The following VCX2 variants were observed in gnomAD, a reference collection of about 807,000 sequenced individuals.
VCX2 encodes the protein variable charge X-linked 2.
For missense variants in VCX2, 83 were observed against 116.6 expected (o/e 0.71, Z 1.33); for synonymous variants, 37 against 53.9 (o/e 0.69, Z 1.38).
At position 8,170,197 on chromosome X, in the gene VCX2, A is replaced by G. The variant is rs770996404; in HGVS notation, c.255T>C (p.Pro85=). 1 of 1,135,662 alleles carries G rather than the reference A, an allele frequency of 8.8e-7. No individual in the cohort carries two copies. Among genetic ancestry groups the G allele is most frequent in the Non-Finnish European group, 1.2e-6 (1 of 862,633 alleles). 93.6% of individuals were successfully genotyped at this position (1,135,662 alleles called of 1,213,427 possible). ...GPSDQPSQEL[P]QHELPPEEPV... is the part of the protein sequence containing the mutation. The stretch of plus-strand genomic sequence containing the variant: ...GCTCCTCCGGCGGCAGCTCGTGCTG[A>G]GGGAGCTCCTGGCTGGGCTGGTCGC... Residue 85 remains proline, a synonymous_variant, in exon 3 of 3, where the codon CCT becomes CCC. Transcript: ENST00000317103.
chrX:8,170,081 A>C lies in VCX2; in HGVS notation c.371T>G (p.Leu124Arg). ...LSQESEVEEP[L>R]TVWMASFSPV... is the part of the protein sequence containing the mutation. ...GGAAAAGCTGGCCATCCACACAGTC[A>C]GTGGTTCTTCCACCTCGCTCTCCTG... is the stretch of plus-strand genomic sequence containing the variant. Residue 124 changes from leucine (L) to arginine (R), a missense_variant, in exon 3 of 3, where the codon CTG becomes CGG. Physicochemically the swap from Leu to Arg is moderately radical, Grantham distance 102. Coordinates refer to ENST00000317103, the MANE Select transcript of VCX2 (RefSeq NM_016378.3). The C allele has an allele frequency of 8.3e-7, 1 of 1,198,662 alleles. No homozygotes were observed. The highest frequency in any genetic ancestry group is 1.8e-5 in the South Asian group (1 of 56,285).
Position 8,170,180 on chromosome X carries a change from G to T in VCX2, c.272C>A (p.Pro91Gln). 2.6e-6 allele frequency: 3 copies of T among 1,140,737 alleles called. No homozygotes were observed. Among genetic ancestry groups the T allele is most frequent in the East Asian group, 3.2e-5 (1 of 31,118 alleles). 94.0% of individuals were successfully genotyped at this position (1,140,737 alleles called of 1,213,427 possible). Residue 91 changes from proline to glutamine, a missense_variant, in exon 3 of 3, where the codon CCG (proline) becomes CAG (glutamine). Coordinates refer to ENST00000317103, the MANE Select transcript of VCX2 (RefSeq NM_016378.3). ...SQELPQHELP[P>Q]EEPVSEGTQH... The stretch of plus-strand genomic sequence containing the variant: ...GGTCCCCTCGCTCACTGGCTCCTCC[G>T]GCGGCAGCTCGTGCTGAGGGAGCTC...
chrX:8,170,252 G>C lies in VCX2; in HGVS notation c.200C>G (p.Ala67Gly). The change falls in exon 3 of 3, where the codon GCG becomes GGG. Residue 67 changes from alanine to glycine, a missense_variant. Transcript: ENST00000317103. ...TKMAAVTAPE[A>G]ESAPAAPGPS... The stretch of plus-strand genomic sequence containing the variant: ...GCCGGGTGCCGCTGGCGCGCTCTCC[G>C]CCTCAGGTGCCGTCACGGCCGCCAT... 2 of 1,112,196 alleles carry C rather than the reference G, an allele frequency of 1.8e-6. No homozygotes were observed. The highest frequency in any genetic ancestry group is 1.9e-5 in the South Asian group (1 of 53,157). The allele number at this position is 1,112,196 out of a possible 1,213,427, so 91.7% of individuals were successfully genotyped here.
At chrX:8,170,379 G>C in intron 2 of VCX2, 30 bp from the exon 3 acceptor site, 1 of 855,944 alleles carries the variant, frequency 1.2e-6, no homozygotes, top group Non-Finnish European at 1.6e-6. Flanking sequence ...ATCACAGAAG[G>C]GCTCTGGTTT....
rs1931613290 is a variant in VCX2 at position 8,171,236 on chromosome X, T to C, written c.-276A>G. 1 of 110,061 alleles carries C rather than the reference T, an allele frequency of 9.1e-6. No individual in the cohort carries two copies. The highest frequency in any genetic ancestry group is 1.9e-5 in the Non-Finnish European group (1 of 53,037). 9.1% of individuals were successfully genotyped at this position (110,061 alleles called of 1,213,427 possible). The stretch of plus-strand genomic sequence containing the variant: ...TTCTTGGATGCCATGAAACAACTTT[T>C]CCATCTCACATACTTCTCCCAGCAT... On this transcript the variant is annotated 5_prime_UTR_variant, in exon 1 of 3. Transcript: ENST00000317103.
rs1931559734 is a variant in VCX2 at position 8,170,572 on chromosome X, AGAG to A, written c.69_71del (p.Ser24del). The A allele has an allele frequency of 8.1e-6, 4 of 495,989 alleles. No individual in the cohort carries two copies. The highest frequency in any genetic ancestry group is 1.2e-5 in the Non-Finnish European group (4 of 334,515). 40.9% of individuals were successfully genotyped at this position (495,989 alleles called of 1,213,427 possible). A position where few individuals can be genotyped will look rare whatever the true frequency, so the allele number is the denominator to read the frequency against. On this transcript the variant is annotated inframe_deletion, in exon 2 of 3. Transcript: ENST00000317103. The stretch of plus-strand genomic sequence containing the variant: ...TCTTCGGGTCACTGGGGCTCGGCTG[AGAG>A]GAGGACTTCCTCTTTCCTGCCTCCG...
Position 8,170,191 on chromosome X carries a change from G to A in VCX2, c.261C>T (p.His87=), listed in dbSNP as rs375063792. 5.0e-5 allele frequency: 57 copies of A among 1,133,951 alleles called. No homozygotes were observed. The highest frequency in any genetic ancestry group is 6.0e-5 in the Non-Finnish European group (52 of 862,030). The allele number at this position is 1,133,951 out of a possible 1,213,427, so 93.5% of individuals were successfully genotyped here. Residue 87 remains histidine, a synonymous_variant, in exon 3 of 3, where the codon CAC becomes CAT. Coordinates refer to ENST00000317103, the MANE Select transcript of VCX2 (RefSeq NM_016378.3). The part of the protein sequence containing the change: ...SDQPSQELPQ[H]ELPPEEPVSE... ...TCACTGGCTCCTCCGGCGGCAGCTC[G>A]TGCTGAGGGAGCTCCTGGCTGGGCT...
rs145708656 is a variant in VCX2, at chrX:8,170,037, C to T, written c.415G>A (p.Asp139Asn). The T allele has an allele frequency of 3.8e-4, 450 of 1,188,341 alleles. 3 individuals are homozygous for T. Among genetic ancestry groups the T allele is most frequent in the Non-Finnish European group, 4.6e-4 (405 of 888,339 alleles). Residue 139 changes from aspartate to asparagine, a missense_variant, in exon 3 of 3, where the codon GAC (aspartate) becomes AAC (asparagine). Asp to Asn is a conservative substitution (Grantham distance 23). Transcript: ENST00000317103. Reference protein sequence around the residue: ...ASFSPVSESTD With the variant: ...ASFSPVSESTN ...TCTGGCGGCTGGGCCTGAACTTAGT[C>T]GGTGCTCTCGGAGACAGGGGAAAAG...
Position 8,169,982 on chromosome X carries a change from G to C in VCX2, c.*50C>G, listed in dbSNP as rs773609329. ...CATTCATTTTATTATCTTCAGAATGGCAAGCACCCCGCTGGTGAGATCTCT... is the reference window on the plus strand; with the variant it reads ...CATTCATTTTATTATCTTCAGAATGCCAAGCACCCCGCTGGTGAGATCTCT... On this transcript the variant is annotated 3_prime_UTR_variant, in exon 3 of 3. Transcript: ENST00000317103. The C allele has an allele frequency of 1.7e-6, 2 of 1,153,046 alleles. No individual in the cohort carries two copies. Among genetic ancestry groups the C allele is most frequent in the African/African-American group, 4.4e-5 (2 of 45,527 alleles).
Position 8,169,994 on chromosome X carries a change from C to T in VCX2, c.*38G>A. On this transcript the variant is annotated 3_prime_UTR_variant, in exon 3 of 3. Transcript: ENST00000317103. ...TATCTTCAGAATGGCAAGCACCCCG[C>T]TGGTGAGATCTCTGAGGTCTGGCGG... 3 of 1,185,422 alleles carry T rather than the reference C, an allele frequency of 2.5e-6. No homozygotes were observed. Among genetic ancestry groups the T allele is most frequent in the Non-Finnish European group, 2.3e-6 (2 of 886,317 alleles).
At position 8,171,076 on chromosome X, in the gene VCX2, G is replaced by A. The variant is rs4066717; in HGVS notation, c.-147+31C>T. ...TGGTACATTCTGTTCCTCCACACCT[G>A]CCATCATTACCCAGTTTCTGTATGA... On this transcript the variant is annotated intron_variant, in intron 1 of 2. Coordinates refer to ENST00000317103, the MANE Select transcript of VCX2 (RefSeq NM_016378.3). 1.9e-5 allele frequency: 5 copies of A among 269,539 alleles called. No individual in the cohort carries two copies. In the East Asian group the frequency reaches 3.3e-4, roughly 18 times the overall value. 22.2% of individuals were successfully genotyped at this position (269,539 alleles called of 1,213,427 possible). A position where few individuals can be genotyped will look rare whatever the true frequency, so the allele number is the denominator to read the frequency against.
chrX:8,171,076 G>C (rs4066717), intron 1 of VCX2, 31 bp downstream of exon 1: 1 of 269,544 alleles, frequency 3.7e-6, no homozygotes, highest in Non-Finnish European at 6.8e-6. Flanking sequence ...CTCCACACCT[G>C]CCATCATTAC....
rs780772690 is a variant in VCX2, at chrX:8,170,130, T to TGGGC, written c.321_322insGCCC (p.Ser108AlafsTer?). On this transcript the variant is annotated frameshift_variant, in exon 3 of 3. Coordinates refer to ENST00000317103, the MANE Select transcript of VCX2 (RefSeq NM_016378.3). LOFTEE classifies it low-confidence loss of function (END_TRUNC). Reference sequence around the variant, plus strand: ...TGACTCAGTGGTTCTTCCACCTCGCTCTCCTGACTCAGGGGGTCGTGCTGG... The same window carrying TGGGC: ...TGACTCAGTGGTTCTTCCACCTCGCTGGGCCTCCTGACTCAGGGGGTCGTGCTGG... 1 of 827,924 alleles carries TGGGC rather than the reference T, an allele frequency of 1.2e-6. No homozygotes were observed. Among genetic ancestry groups the TGGGC allele is most frequent in the African/African-American group, 3.0e-5 (1 of 33,728 alleles). The allele number at this position is 827,924 out of a possible 1,213,427, so 68.2% of individuals were successfully genotyped here. A position where few individuals can be genotyped will look rare whatever the true frequency, so the allele number is the denominator to read the frequency against.
chrX:8,170,215 C>A lies in VCX2; in HGVS notation c.237G>T (p.Gln79His). The A allele has an allele frequency of 8.8e-7, 1 of 1,134,334 alleles. No homozygotes were observed. The highest frequency in any genetic ancestry group is 1.2e-6 in the Non-Finnish European group (1 of 860,980). The allele number at this position is 1,134,334 out of a possible 1,213,427, so 93.5% of individuals were successfully genotyped here. A position where few individuals can be genotyped will look rare whatever the true frequency, so the allele number is the denominator to read the frequency against. Residue 79 changes from glutamine to histidine, a missense_variant, in exon 3 of 3, where the codon CAG becomes CAT. Gln to His is a conservative substitution (Grantham distance 24). Coordinates refer to ENST00000317103, the MANE Select transcript of VCX2 (RefSeq NM_016378.3). The stretch of plus-strand genomic sequence containing the variant: ...CGTGCTGAGGGAGCTCCTGGCTGGG[C>A]TGGTCGCTGGGGCCGGGTGCCGCTG... ...SAPAAPGPSD[Q>H]PSQELPQHEL... is the part of the protein sequence containing the mutation.
rs770184596 is a variant in VCX2 at position 8,170,237 on chromosome X, G to C, written c.215C>G (p.Ala72Gly). 9.0e-7 allele frequency: 1 copy of C among 1,106,876 alleles called. No individual in the cohort carries two copies. Among genetic ancestry groups the C allele is most frequent in the African/African-American group, 2.7e-5 (1 of 37,466 alleles). 91.2% of individuals were successfully genotyped at this position (1,106,876 alleles called of 1,213,427 possible). A position where few individuals can be genotyped will look rare whatever the true frequency, so the allele number is the denominator to read the frequency against. The change falls in exon 3 of 3, where the codon GCG becomes GGG. Residue 72 changes from alanine to glycine, a missense_variant. Transcript: ENST00000317103. ...VTAPEAESAP[A>G]APGPSDQPSQ... is the part of the protein sequence containing the mutation. ...GGGCTGGTCGCTGGGGCCGGGTGCC[G>C]CTGGCGCGCTCTCCGCCTCAGGTGC...
rs747728477 is a variant in VCX2 at position 8,170,072 on chromosome X, C to T, written c.380G>A (p.Trp127Ter). 2 of 1,202,661 alleles carry T rather than the reference C, an allele frequency of 1.7e-6. No individual in the cohort carries two copies. The highest frequency in any genetic ancestry group is 1.1e-6 in the Non-Finnish European group (1 of 893,252). ...ESEVEEPLTV[W>*]MASFSPVSES... is the part of the protein sequence containing the mutation. ...GGAGACAGGGGAAAAGCTGGCCATC[C>T]ACACAGTCAGTGGTTCTTCCACCTC... is the stretch of plus-strand genomic sequence containing the variant. Residue 127 changes from tryptophan to a stop codon, truncating the protein, a stop_gained, in exon 3 of 3, where the codon TGG becomes TAG. Transcript: ENST00000317103. LOFTEE classifies it low-confidence loss of function (END_TRUNC).
intron 1 of VCX2, among the ~76,000 whole-genome samples, 155 bp from the exon 2 acceptor site, chrX:8,170,944 C>T (rs1326122612): frequency 2.5e-4 from 22 of 86,307 alleles, no homozygotes; most frequent in Non-Finnish European, 5.2e-4. Flanking sequence ...AAGATAGTTC[C>T]CAAACTGACA....
In VCX2 at chrX:8,170,212, G is replaced by A; in HGVS notation, c.240C>T (p.Pro80=). The A allele has an allele frequency of 8.8e-7, 1 of 1,135,050 alleles. No homozygotes were observed. The highest frequency in any genetic ancestry group is 1.8e-5 in the South Asian group (1 of 54,297). 93.5% of individuals were successfully genotyped at this position (1,135,050 alleles called of 1,213,427 possible). A position where few individuals can be genotyped will look rare whatever the true frequency, so the allele number is the denominator to read the frequency against. The part of the protein sequence containing the change: ...APAAPGPSDQ[P]SQELPQHELP... ...GCTCGTGCTGAGGGAGCTCCTGGCT[G>A]GGCTGGTCGCTGGGGCCGGGTGCCG... Residue 80 remains proline (P), a synonymous_variant, in exon 3 of 3, where the codon CCC becomes CCT. Coordinates refer to ENST00000317103, the MANE Select transcript of VCX2 (RefSeq NM_016378.3).
In VCX2 at chrX:8,170,215, C is replaced by T; in HGVS notation, c.237G>A (p.Gln79=). Residue 79 remains glutamine, a synonymous_variant, in exon 3 of 3, where the codon CAG becomes CAA. Transcript: ENST00000317103. ...CGTGCTGAGGGAGCTCCTGGCTGGGCTGGTCGCTGGGGCCGGGTGCCGCTG... is the reference window on the plus strand; with the variant it reads ...CGTGCTGAGGGAGCTCCTGGCTGGGTTGGTCGCTGGGGCCGGGTGCCGCTG... ...SAPAAPGPSD[Q]PSQELPQHEL... 6 of 1,134,332 alleles carry T rather than the reference C, an allele frequency of 5.3e-6. No individual in the cohort carries two copies. The South Asian group carries it at 5.5e-5, about 10-fold the overall frequency. The allele number at this position is 1,134,332 out of a possible 1,213,427, so 93.5% of individuals were successfully genotyped here.
Sources: gnomAD v4.1 joint callset for allele counts (sites outside exome capture counted in the v4.1 genomes callset) on GRCh38, gnomAD v4.1.1 for gene constraint, MANE v1.5 for transcripts, NCBI Gene and HGNC (gene_info 2026-07-23, HGNC 2026-07-21) for gene names.